The following DSCAM variants were observed in gnomAD, a reference collection of about 807,000 sequenced individuals.
The protein encoded by DSCAM is DS cell adhesion molecule.
A neutral mutation model predicts 217.7 loss-of-function variants in DSCAM; 47 were observed. That is an observed-to-expected ratio of 0.22 (90% CI 0.17 to 0.28). The LOEUF is 0.28. DSCAM is among the 10% of genes least tolerant of loss of function. The pLI is 1.00. For synonymous variants in DSCAM, 1,056 were observed against 1,015.3 expected (o/e 1.04, Z -0.76); for missense variants, 2,080 against 2,618.3 (o/e 0.79, Z 4.49).
chr21:40,219,023 G>T, intron 11 of DSCAM, among the ~76,000 whole-genome samples: 1 of 152,170 alleles, frequency 6.6e-6, no homozygotes, highest in East Asian at 1.9e-4. Context: ...TTGAACAGGA[G>T]CAGTGAGAGA....
chr21:40,623,351 T>C (rs927381873), intron 3 of DSCAM, among the ~76,000 whole-genome samples: 34 of 152,184 alleles, frequency 2.2e-4, no homozygotes, highest in African/African-American at 8.2e-4. Flanking sequence ...AGTGAACTTA[T>C]TAAGCACTTT....
At chr21:40,353,023 T>C (rs1317727578) in intron 5 of DSCAM, among the ~76,000 whole-genome samples, 1 of 152,202 alleles carries the variant, frequency 6.6e-6, no homozygotes, top group Non-Finnish European at 1.5e-5. Flanking sequence ...CATTTAGAAA[T>C]TTAATGGAGA....
At chr21:40,578,630 T>C (rs925699070) in intron 3 of DSCAM, among the ~76,000 whole-genome samples, 4 of 152,296 alleles carry the variant, frequency 2.6e-5, no homozygotes, top group Admixed American at 1.3e-4. Flanking sequence ...CCTTTGTTCT[T>C]TTGCTCTTCA....
chr21:40,615,566 G>C (rs2089382497), intron 3 of DSCAM: 1 of 152,004 alleles, frequency 6.6e-6, no homozygotes, highest in Admixed American at 6.6e-5. Flanking sequence ...CTTTCTTTCC[G>C]AGATCTTTCA....
At chr21:40,611,841 G>GATAGGATATT in intron 3 of DSCAM, among the ~76,000 whole-genome samples, 1 of 151,918 alleles carries the variant, frequency 6.6e-6, no homozygotes, top group East Asian at 2.0e-4. Flanking sequence ...TGGATGCTAA[G>GATAGGATATT]ACAGGGAAGC....
intron 32 of DSCAM, among the ~76,000 whole-genome samples, chr21:40,040,635 T>G (rs974950789): frequency 6.6e-6 from 1 of 152,170 alleles, no homozygotes; most frequent in Non-Finnish European, 1.5e-5. Flanking sequence ...ACAGTGGGGA[T>G]TCTAGCAACC....
chr21:40,143,713 C>T (rs990805496), intron 17 of DSCAM, among the ~76,000 whole-genome samples: 1 of 152,178 alleles, frequency 6.6e-6, no homozygotes, highest in African/African-American at 2.4e-5. Context: ...ATGGCGTGAA[C>T]CCGGGAGGCG....
At chr21:40,576,549 G>A (rs902772949) in intron 3 of DSCAM, among the ~76,000 whole-genome samples, 12 of 152,092 alleles carry the variant, frequency 7.9e-5, no homozygotes, top group Non-Finnish European at 1.6e-4. Context: ...GCCTTTTATT[G>A]TATATAAATT....
rs540296794 is a variant in DSCAM at position 40,176,005 on chromosome 21, A to G, written c.2947+2922T>C. Among the ~76,000 whole-genome samples, 7 of 151,908 alleles carry G rather than the reference A, an allele frequency of 4.6e-5. No homozygotes were observed. The East Asian group carries it at 1.4e-3, about 30-fold the overall frequency. On this transcript the variant is annotated intron_variant, in intron 15 of 32. Transcript: ENST00000400454. Reference sequence around the variant, plus strand: ...CCACAGCCCCTCCACATCAGGTGGTATATCATCATGGACAGCAGGGTCCAT... The same window carrying G: ...CCACAGCCCCTCCACATCAGGTGGTGTATCATCATGGACAGCAGGGTCCAT...
chr21:40,322,951 T>C (rs941743556), intron 8 of DSCAM, among the ~76,000 whole-genome samples: 1 of 152,214 alleles, frequency 6.6e-6, no homozygotes, highest in African/African-American at 2.4e-5. Flanking sequence ...AAAGGACATG[T>C]TACCACCAAT....
intron 11 of DSCAM, among the ~76,000 whole-genome samples, chr21:40,205,425 A>C (rs113042455): frequency 0.067 from 10,200 of 152,160 alleles, 463 homozygotes; most frequent in Non-Finnish European, 0.1. Flanking sequence ...CAACATGGCA[A>C]AACCCCATCT....
intron 3 of DSCAM, among the ~76,000 whole-genome samples, chr21:40,381,074 A>AAAAAAAAACAAAAAAAC (rs2075018702): frequency 6.8e-6 from 1 of 147,040 alleles, no homozygotes; most frequent in African/African-American, 2.6e-5. Context: ...AAAAAAAAAA[A>AAAAAAAAACAAAAAAAC]AAAAAAAAAA....
chr21:40,485,673 ATACT>A (rs1393600590), intron 3 of DSCAM, among the ~76,000 whole-genome samples: 3 of 152,176 alleles, frequency 2.0e-5, no homozygotes, highest in Admixed American at 2.0e-4. Flanking sequence ...TATAAATTAC[ATACT>A]TAAATAGAAC....
intron 1 of DSCAM, among the ~76,000 whole-genome samples, chr21:40,754,343 C>T (rs1005784302): frequency 4.6e-5 from 7 of 152,160 alleles, no homozygotes; most frequent in South Asian, 2.1e-4. Context: ...TTCAGAATCC[C>T]CCAGAAGGAG....
intron 10 of DSCAM, among the ~76,000 whole-genome samples, chr21:40,284,272 T>A (rs774479868): frequency 6.6e-6 from 1 of 152,238 alleles, no homozygotes; most frequent in East Asian, 1.9e-4. Context: ...AGAGGTATAG[T>A]CCTGAGACAC....
At chr21:40,391,094 G>A (rs549220946) in intron 3 of DSCAM, among the ~76,000 whole-genome samples, 11 of 152,154 alleles carry the variant, frequency 7.2e-5, no homozygotes, top group Admixed American at 2.0e-4. Context: ...GATGCAGACC[G>A]CATGAAATCA....
At chr21:40,026,020 T>G (rs1160873113) in intron 32 of DSCAM, among the ~76,000 whole-genome samples, 2 of 142,892 alleles carry the variant, frequency 1.4e-5, no homozygotes, top group East Asian at 3.9e-4. Context: ...GTGCTATAAA[T>G]TTCCCTGTAC....
At position 40,719,784 on chromosome 21, in the gene DSCAM, G is replaced by A. The variant is rs192312968; in HGVS notation, c.44-11013C>T. Among the ~76,000 whole-genome samples, 15 of 152,294 alleles carry A rather than the reference G, an allele frequency of 9.8e-5. No homozygotes were observed. The East Asian group carries it at 2.5e-3, about 25-fold the overall frequency. ...TTGAGAGTCAGAATAAAGTTTGCCCGTGGGGGTGGGGTCAGGTGCAGAGAA... is the reference window on the plus strand; with the variant it reads ...TTGAGAGTCAGAATAAAGTTTGCCCATGGGGGTGGGGTCAGGTGCAGAGAA... On this transcript the variant is annotated intron_variant, in intron 1 of 32. Transcript: ENST00000400454.
intron 3 of DSCAM, among the ~76,000 whole-genome samples, chr21:40,385,653 A>G (rs2837601): frequency 0.68 from 103,861 of 152,066 alleles, 36,240 homozygotes; most frequent in African/African-American, 0.82. Flanking sequence ...CACATGCTGT[A>G]GGCTGTTAAT....
Sources: allele counts gnomAD v4.1 joint callset (sites outside exome capture counted in the v4.1 genomes callset), GRCh38; gene constraint gnomAD v4.1.1; transcripts MANE v1.5; gene names NCBI Gene and HGNC (gene_info 2026-07-23, HGNC 2026-07-21).